The following DOK5 variants were observed in gnomAD, a reference collection of about 807,000 sequenced individuals.
The protein encoded by DOK5 is docking protein 5, also known as downstream of tyrosine kinase 5.
DOK5 carries 27 observed loss-of-function variants against 43.3 expected under a neutral mutation model. The observed-to-expected ratio is 0.62, with a 90% CI of 0.46 to 0.86. DOK5 has a LOEUF of 0.86. Among genes scored for constraint, DOK5 ranks in the 40% least tolerant of loss-of-function variants. DOK5 has a pLI of 0.00. For synonymous variants in DOK5, 146 were observed against 140.1 expected (o/e 1.04, Z -0.30); for missense variants, 373 against 392.9 (o/e 0.95, Z 0.43).
chr20:54,548,160 C>T (rs1156870636), intron 1 of DOK5, among the ~76,000 whole-genome samples: 2 of 152,140 alleles, frequency 1.3e-5, no homozygotes, highest in African/African-American at 2.4e-5. Flanking sequence ...AGGAGGTGAG[C>T]TATTTCAACA....
At chr20:54,479,696 A>G (rs1033040933) in intron 1 of DOK5, among the ~76,000 whole-genome samples, 3 of 152,068 alleles carry the variant, frequency 2.0e-5, no homozygotes, top group Admixed American at 6.6e-5. Context: ...TCTACCAAGG[A>G]CTTAGCAGCT....
At chr20:54,509,208 T>C (rs1466947691) in intron 1 of DOK5, among the ~76,000 whole-genome samples, 1 of 152,216 alleles carries the variant, frequency 6.6e-6, no homozygotes, top group Non-Finnish European at 1.5e-5. Flanking sequence ...TTTTTATGTT[T>C]TGAGCTGGAG....
At chr20:54,588,663 T>G in intron 3 of DOK5, 24 bp from the exon 4 acceptor site, 1 of 1,614,054 alleles carries the variant, frequency 6.2e-7, no homozygotes, top group South Asian at 1.1e-5. Flanking sequence ...GGCACACAGT[T>G]TAATCTTTTT....
intron 2 of DOK5, among the ~76,000 whole-genome samples, chr20:54,568,411 A>G (rs1315086621): frequency 1.3e-5 from 2 of 152,198 alleles, no homozygotes; most frequent in African/African-American, 4.8e-5. Context: ...ATGATGCCAA[A>G]AGGAAAGGGT....
chr20:54,590,756 A>C (rs1465854508), intron 4 of DOK5, among the ~76,000 whole-genome samples: 1 of 152,202 alleles, frequency 6.6e-6, no homozygotes, highest in Non-Finnish European at 1.5e-5. Context: ...AAAATTGTTA[A>C]TGCCACATTG....
At chr20:54,603,818 G>T (rs1488341892) in intron 5 of DOK5, among the ~76,000 whole-genome samples, 1 of 151,930 alleles carries the variant, frequency 6.6e-6, no homozygotes, top group Non-Finnish European at 1.5e-5. Context: ...AACCTACGTG[G>T]CTAAGCCTCT....
intron 1 of DOK5, among the ~76,000 whole-genome samples, chr20:54,479,943 G>C (rs1451917347): frequency 6.6e-6 from 1 of 151,976 alleles, no homozygotes; most frequent in Non-Finnish European, 1.5e-5. Flanking sequence ...CTGTATCTTT[G>C]AAATATATCT....
intron 7 of DOK5, among the ~76,000 whole-genome samples, chr20:54,649,700 G>A (rs1261934829): frequency 6.6e-6 from 1 of 152,206 alleles, no homozygotes; most frequent in Non-Finnish European, 1.5e-5. Flanking sequence ...GCAAACAATG[G>A]CTTGTGAGCC....
At chr20:54,560,796 AT>A (rs1384984532) in intron 2 of DOK5, among the ~76,000 whole-genome samples, 1 of 151,916 alleles carries the variant, frequency 6.6e-6, no homozygotes, top group Non-Finnish European at 1.5e-5. Context: ...AATTTTTTGT[AT>A]TTTTAGTAGA....
chr20:54,532,329 G>A (rs1387159563), intron 1 of DOK5, among the ~76,000 whole-genome samples: 2 of 152,146 alleles, frequency 1.3e-5, no homozygotes, highest in Non-Finnish European at 2.9e-5. Flanking sequence ...CTGAGGTTGT[G>A]TTCTTGACTT....
chr20:54,522,674 C>T (rs774566820), intron 1 of DOK5, among the ~76,000 whole-genome samples: 2 of 151,874 alleles, frequency 1.3e-5, no homozygotes, highest in Non-Finnish European at 2.9e-5. Flanking sequence ...CGTCCACTAC[C>T]TGGCTTATTT....
chr20:54,596,755 C>T (rs1046006950), intron 5 of DOK5, among the ~76,000 whole-genome samples: 9 of 152,162 alleles, frequency 5.9e-5, no homozygotes, highest in Admixed American at 4.6e-4. Context: ...CAAACTAGTA[C>T]TGAAAAGAAA....
intron 1 of DOK5, among the ~76,000 whole-genome samples, chr20:54,541,210 T>C (rs1984147902): frequency 6.6e-6 from 1 of 152,178 alleles, no homozygotes; most frequent in African/African-American, 2.4e-5. Context: ...TTTCACAATA[T>C]GTCCAGATTC....
chr20:54,511,306 C>T (rs946272742), intron 1 of DOK5, among the ~76,000 whole-genome samples: 1 of 152,132 alleles, frequency 6.6e-6, no homozygotes, highest in Non-Finnish European at 1.5e-5. Context: ...ATAGTAGGTG[C>T]TCAATAAAAG....
chr20:54,570,403 G>GT (rs1435227778), intron 2 of DOK5, among the ~76,000 whole-genome samples: 1 of 152,128 alleles, frequency 6.6e-6, no homozygotes, highest in Non-Finnish European at 1.5e-5. Context: ...TAATTAAATT[G>GT]TTTTTTAAGA....
chr20:54,548,790 C>T (rs1338805835), intron 1 of DOK5, among the ~76,000 whole-genome samples: 1 of 152,154 alleles, frequency 6.6e-6, no homozygotes, highest in Non-Finnish European at 1.5e-5. Context: ...CCAGTGTTAA[C>T]CCAAGTAGTT....
intron 6 of DOK5, among the ~76,000 whole-genome samples, chr20:54,627,514 A>G (rs934927027): frequency 3.3e-5 from 5 of 152,216 alleles, no homozygotes; most frequent in Admixed American, 6.5e-5. Flanking sequence ...AAAGCCCTGG[A>G]CTGATACTCA....
At chr20:54,603,381 G>A (rs770060791) in intron 5 of DOK5, among the ~76,000 whole-genome samples, 1 of 152,222 alleles carries the variant, frequency 6.6e-6, no homozygotes, top group African/African-American at 2.4e-5. Flanking sequence ...AGGCAGCAAT[G>A]CCAGTGATTG....
intron 1 of DOK5, among the ~76,000 whole-genome samples, chr20:54,513,669 T>G (rs1983093087): frequency 1.3e-5 from 2 of 151,980 alleles, no homozygotes; most frequent in South Asian, 4.1e-4. Flanking sequence ...TGAAGAAGAG[T>G]GGGCTGTGCA....
Sources: gnomAD v4.1 joint callset for allele counts (sites outside exome capture counted in the v4.1 genomes callset) on GRCh38, gnomAD v4.1.1 for gene constraint, MANE v1.5 for transcripts, NCBI Gene and HGNC (gene_info 2026-07-23, HGNC 2026-07-21) for gene names.